FAM124B: variants seen among roughly 807,000 people sequenced by gnomAD.
The protein encoded by FAM124B is family with sequence similarity 124 member B, also known as protein FAM124B.
In FAM124B, 18 loss-of-function variants were observed where a neutral mutation model predicts 19.7. The observed-to-expected ratio is 0.92, with a 90% confidence interval of 0.63 to 1.36. The LOEUF is 1.36. FAM124B is among the 40% of genes most tolerant of loss of function. The pLI is 0.00. For synonymous variants in FAM124B, 223 were observed against 225.2 expected (o/e 0.99, Z 0.09); for missense variants, 540 against 553.3 (o/e 0.98, Z 0.24).
At chr2:224,398,238 C>T (rs962757206) in intron 1 of FAM124B, among the ~76,000 whole-genome samples, 11 of 152,102 alleles carry the variant, frequency 7.2e-5, no homozygotes, top group Middle Eastern at 3.2e-3. Flanking sequence ...GCTGGGACTA[C>T]GGGTGCACAC....
intron 1 of FAM124B, among the ~76,000 whole-genome samples, chr2:224,397,934 G>C (rs918542164): frequency 6.6e-6 from 1 of 152,178 alleles, no homozygotes; most frequent in African/African-American, 2.4e-5. Flanking sequence ...AAAAACAAGA[G>C]TTTTCTGCAC....
intron 1 of FAM124B, among the ~76,000 whole-genome samples, chr2:224,386,015 C>T (rs577133118): frequency 9.2e-5 from 14 of 152,274 alleles, no homozygotes; most frequent in Non-Finnish European, 1.6e-4. Context: ...ACCACACCAT[C>T]GTCCTGCTTC....
At chr2:224,394,165 G>A (rs376423411) in intron 1 of FAM124B, among the ~76,000 whole-genome samples, 14 of 152,106 alleles carry the variant, frequency 9.2e-5, no homozygotes, top group African/African-American at 2.4e-4. Context: ...CCTCTCCTCC[G>A]GAAGTGCACG....
Position 224,401,893 on chromosome 2 carries a change from T to G in FAM124B, c.-125A>C. 1 of 1,161,216 alleles carries G rather than the reference T, an allele frequency of 8.6e-7. No homozygotes were observed. The highest frequency in any genetic ancestry group is 1.6e-5 in the South Asian group (1 of 62,482). 71.9% of individuals were successfully genotyped at this position (1,161,216 alleles called of 1,614,324 possible). On this transcript the variant is annotated 5_prime_UTR_variant, in exon 1 of 2. Transcript: ENST00000409685. Reference sequence around the variant, plus strand: ...GAAAACCTTCAGCTGCAGCGGCTACTTCTGAGCAGAGCTCTTAACCAGACT... The same window carrying G: ...GAAAACCTTCAGCTGCAGCGGCTACGTCTGAGCAGAGCTCTTAACCAGACT...
chr2:224,396,583 T>G (rs1689973694), intron 1 of FAM124B, among the ~76,000 whole-genome samples: 1 of 152,200 alleles, frequency 6.6e-6, no homozygotes, highest in African/African-American at 2.4e-5. Context: ...CCACTCTGTA[T>G]TTGTCTCCTC....
In FAM124B at chr2:224,401,277, C is replaced by T. The variant is rs1167882193; in HGVS notation, c.492G>A (p.Ala164=). 6 of 1,613,918 alleles carry T rather than the reference C, an allele frequency of 3.7e-6. No individual in the cohort carries two copies. Among genetic ancestry groups the T allele is most frequent in the Admixed American group, 1.7e-5 (1 of 59,970 alleles). Residue 164 remains alanine, a synonymous_variant, in exon 1 of 2, where the codon GCG becomes GCA. Coordinates refer to ENST00000409685, the MANE Select transcript of FAM124B (RefSeq NM_001122779.2). ...AACAAAAATTGCTCTTTTGCAAGGTCGCTTCTCTCTGCAGGATCATCTCGT... is the reference window on the plus strand; with the variant it reads ...AACAAAAATTGCTCTTTTGCAAGGTTGCTTCTCTCTGCAGGATCATCTCGT... ...RLYEMILQRE[A]TLQKSNFCFF...
At chr2:224,394,089 C>T (rs890430586) in intron 1 of FAM124B, among the ~76,000 whole-genome samples, 3 of 152,122 alleles carry the variant, frequency 2.0e-5, no homozygotes, top group African/African-American at 4.8e-5. Context: ...TCCATGACAC[C>T]ACAATCTCCT....
intron 1 of FAM124B, among the ~76,000 whole-genome samples, chr2:224,389,060 T>C (rs922109294): frequency 4.6e-5 from 7 of 152,346 alleles, no homozygotes; most frequent in African/African-American, 1.7e-4. Context: ...GCCTCCCGTG[T>C]AGCTGGGATT....
At chr2:224,381,469 C>T (rs1238426859) in intron 1 of FAM124B, among the ~76,000 whole-genome samples, 1 of 150,990 alleles carries the variant, frequency 6.6e-6, no homozygotes, top group African/African-American at 2.4e-5. Flanking sequence ...AACTATATGA[C>T]ACTTTGGAAA....
At chr2:224,400,337 G>A (rs113674995) in intron 1 of FAM124B, 14 of 618,218 alleles carry the variant, frequency 2.3e-5, no homozygotes, top group Middle Eastern at 4.2e-4. Flanking sequence ...GTGAGACCCC[G>A]TCTCTAGAAA....
chr2:224,401,119 G>A lies in FAM124B; in HGVS notation c.650C>T (p.Pro217Leu). The A allele has an allele frequency of 6.2e-7, 1 of 1,614,174 alleles. No individual in the cohort carries two copies. The highest frequency in any genetic ancestry group is 8.5e-7 in the Non-Finnish European group (1 of 1,180,024). ...FKVQEIGQLV[P>L]LLPNPCMPIS... ...AGGCATGCATGGATTGGGTAGCAGAGGCACTAACTGGCCGATCTCTTGAAC... is the reference window on the plus strand; with the variant it reads ...AGGCATGCATGGATTGGGTAGCAGAAGCACTAACTGGCCGATCTCTTGAAC... The change falls in exon 1 of 2, where the codon CCT becomes CTT. Residue 217 changes from proline to leucine, a missense_variant. Transcript: ENST00000409685.
chr2:224,400,468 C>G (rs999173060), intron 1 of FAM124B: 2 of 697,226 alleles, frequency 2.9e-6, no homozygotes, highest in Non-Finnish European at 5.2e-6. Flanking sequence ...ATGGCACCAC[C>G]GCACTCGAGT....
intron 1 of FAM124B, among the ~76,000 whole-genome samples, chr2:224,398,084 C>G (rs1199732236): frequency 1.3e-5 from 2 of 151,966 alleles, no homozygotes; most frequent in Non-Finnish European, 2.9e-5. Flanking sequence ...CAGTCTCCAG[C>G]CTGTCTTTAT....
rs370746822 is a variant in FAM124B, at chr2:224,390,995, G to A, written c.732+10042C>T. On this transcript the variant is annotated intron_variant, in intron 1 of 1. Coordinates refer to ENST00000409685, the MANE Select transcript of FAM124B (RefSeq NM_001122779.2). ...TGGGATTACAGGCATGAGCCACCGCGCCCGGCCAACAAACTTATTTTTAAT... is the reference window on the plus strand; with the variant it reads ...TGGGATTACAGGCATGAGCCACCGCACCCGGCCAACAAACTTATTTTTAAT... Among the ~76,000 whole-genome samples the A allele has an allele frequency of 6.0e-3, 907 of 149,944 alleles. 8 individuals carry two copies. Among genetic ancestry groups the A allele is most frequent in the Non-Finnish European group, 0.01 (686 of 67,472 alleles).
chr2:224,396,698 G>C (rs1432803752), intron 1 of FAM124B, among the ~76,000 whole-genome samples: 1 of 152,186 alleles, frequency 6.6e-6, no homozygotes, highest in East Asian at 1.9e-4. Flanking sequence ...GGGCTAAACT[G>C]ATCCATATAA....
In FAM124B at chr2:224,379,633, G is replaced by A. The variant is rs1212069483; in HGVS notation, c.1308C>T (p.Leu436=). ...LGTRKTISEC[L]LHLQVQGEEK... is the part of the protein sequence containing the mutation. ...CTTCACCCTGAACTTGCAGATGAAG[G>A]AGACATTCTGAAATTGTCTTCCTGG... The change falls in exon 2 of 2, where the codon CTC becomes CTT. Residue 436 remains leucine, a synonymous_variant. Coordinates refer to ENST00000409685, the MANE Select transcript of FAM124B (RefSeq NM_001122779.2). 6.4e-7 allele frequency: 1 copy of A among 1,551,076 alleles called. No individual in the cohort carries two copies. Among genetic ancestry groups the A allele is most frequent in the African/African-American group, 1.4e-5 (1 of 72,968 alleles).
chr2:224,382,405 C>CTTTT (rs71062905), intron 1 of FAM124B, among the ~76,000 whole-genome samples: 17 of 106,396 alleles, frequency 1.6e-4, no homozygotes, highest in Non-Finnish European at 2.1e-4. Context: ...GATTCCCTGT[C>CTTTT]TTTTTTTTTT....
chr2:224,385,939 G>T (rs1044815983), intron 1 of FAM124B, among the ~76,000 whole-genome samples: 15 of 152,138 alleles, frequency 9.9e-5, no homozygotes, highest in Non-Finnish European at 5.9e-5. Context: ...TCCAATGGAA[G>T]TCCCCACATA....
intron 1 of FAM124B, among the ~76,000 whole-genome samples, chr2:224,390,258 G>A (rs114943649): frequency 2.0e-3 from 302 of 151,978 alleles, no homozygotes; most frequent in African/African-American, 6.9e-3. Context: ...AGTGGCCCAC[G>A]TGTACCAATG....
Sources: allele counts gnomAD v4.1 joint callset (sites outside exome capture counted in the v4.1 genomes callset), GRCh38; gene constraint gnomAD v4.1.1; transcripts MANE v1.5; gene names NCBI Gene and HGNC (gene_info 2026-07-23, HGNC 2026-07-21).